The following ABTB3 variants were observed in gnomAD, a reference collection of about 807,000 sequenced individuals.
ABTB3 encodes the protein ankyrin repeat- and BTB/POZ domain-containing protein 3.
chr12:107,520,713 A>G, the ABTB3 span: 1 of 1,564,648 alleles, frequency 6.4e-7, no homozygotes, highest in Non-Finnish European at 8.7e-7. Flanking sequence ...CAATGTCCTC[A>G]TGCCAACCCC....
At chr12:107,351,940 A>AT in the ABTB3 span, among the ~76,000 whole-genome samples, 5 of 152,150 alleles carry the variant, frequency 3.3e-5, no homozygotes, top group African/African-American at 1.2e-4. Context: ...TCTTTAACTG[A>AT]TATGAAATCC....
At chr12:107,589,615 A>C in the ABTB3 span, among the ~76,000 whole-genome samples, 1 of 152,390 alleles carries the variant, frequency 6.6e-6, no homozygotes, top group East Asian at 1.9e-4. Flanking sequence ...GGACCTGTGC[A>C]GATGGGAAAC....
At chr12:107,632,223 C>T in the ABTB3 span, among the ~76,000 whole-genome samples, 15 of 152,110 alleles carry the variant, frequency 9.9e-5, no homozygotes, top group African/African-American at 2.7e-4. Context: ...AAACCACCAC[C>T]GCTGTCCGCC....
the ABTB3 span, among the ~76,000 whole-genome samples, chr12:107,505,271 C>G: frequency 6.6e-6 from 1 of 151,946 alleles, no homozygotes. Flanking sequence ...AAAAAAATAG[C>G]CTCGAAATAT....
the ABTB3 span, among the ~76,000 whole-genome samples, chr12:107,497,519 CCCA>C: frequency 4.0e-5 from 6 of 151,580 alleles, no homozygotes; most frequent in Non-Finnish European, 8.8e-5. Context: ...ACCACACCAT[CCCA>C]CCACCATCAT....
the ABTB3 span, chr12:107,581,381 C>A: frequency 1.7e-6 from 2 of 1,198,452 alleles, no homozygotes; most frequent in Non-Finnish European, 2.1e-6. Context: ...CCAATCAGAG[C>A]CCCGCTGGGC....
At chr12:107,601,874 G>C in the ABTB3 span, among the ~76,000 whole-genome samples, 1 of 152,220 alleles carries the variant, frequency 6.6e-6, no homozygotes. Flanking sequence ...TAAGATTAGT[G>C]TTCCCATTTT....
chr12:107,584,100 C>T, the ABTB3 span, among the ~76,000 whole-genome samples: 107 of 152,086 alleles, frequency 7.0e-4, 1 homozygote, highest in Non-Finnish European at 1.5e-3. Context: ...ACTTATTTTT[C>T]AGACTAGTCA....
the ABTB3 span, among the ~76,000 whole-genome samples, chr12:107,494,733 C>G: frequency 6.6e-6 from 1 of 152,182 alleles, no homozygotes; most frequent in Non-Finnish European, 1.5e-5. Flanking sequence ...CCCTCGCCAC[C>G]TCCCTTGGGC....
chr12:107,454,333 G>A, the ABTB3 span, among the ~76,000 whole-genome samples: 1 of 152,198 alleles, frequency 6.6e-6, no homozygotes, highest in Non-Finnish European at 1.5e-5. Flanking sequence ...AATGTAAGGT[G>A]GTGACAGCAA....
the ABTB3 span, among the ~76,000 whole-genome samples, chr12:107,488,545 A>G: frequency 6.6e-6 from 1 of 152,072 alleles, no homozygotes. Flanking sequence ...GTTACATTGC[A>G]TAGAACCTCA....
chr12:107,401,751 G>A, the ABTB3 span, among the ~76,000 whole-genome samples: 412 of 152,240 alleles, frequency 2.7e-3, 2 homozygotes, highest in African/African-American at 9.3e-3. Context: ...CCTGACTGAC[G>A]AAATTCTAGA....
At chr12:107,455,655 C>G in the ABTB3 span, among the ~76,000 whole-genome samples, 1 of 152,166 alleles carries the variant, frequency 6.6e-6, no homozygotes, top group Non-Finnish European at 1.5e-5. Context: ...CAGGGGATAG[C>G]TCTATGGTTC....
At chr12:107,379,122 G>A in the ABTB3 span, among the ~76,000 whole-genome samples, 1,710 of 152,232 alleles carry the variant, frequency 0.011, 21 homozygotes, top group Non-Finnish European at 0.017. Context: ...ATATAATTGG[G>A]ATAATAGTAA....
the ABTB3 span, among the ~76,000 whole-genome samples, chr12:107,526,289 G>A: frequency 9.4e-3 from 1,425 of 152,252 alleles, 10 homozygotes; most frequent in Middle Eastern, 0.024. Flanking sequence ...TCGCCAAACT[G>A]ACACCAGCTG....
the ABTB3 span, among the ~76,000 whole-genome samples, chr12:107,517,350 G>C: frequency 4.4e-3 from 663 of 152,242 alleles, 6 homozygotes; most frequent in Non-Finnish European, 7.5e-3. Flanking sequence ...TGGCAATGCG[G>C]GCTCTTTTTT....
At chr12:107,457,164 A>G in the ABTB3 span, among the ~76,000 whole-genome samples, 2 of 152,204 alleles carry the variant, frequency 1.3e-5, no homozygotes, top group African/African-American at 4.8e-5. Context: ...GCTCGGCCCT[A>G]CAGTAGTCTT....
the ABTB3 span, among the ~76,000 whole-genome samples, chr12:107,601,609 G>A: frequency 6.6e-6 from 1 of 152,184 alleles, no homozygotes; most frequent in African/African-American, 2.4e-5. Context: ...GGGCCATGCA[G>A]AGTGATCAGC....
At chr12:107,532,407 A>ACT in the ABTB3 span, among the ~76,000 whole-genome samples, 81 of 152,358 alleles carry the variant, frequency 5.3e-4, no homozygotes, top group Non-Finnish European at 9.1e-4. Context: ...TAAGCTAGTG[A>ACT]GGAACATGCA....
Sources: allele counts gnomAD v4.1 joint callset (sites outside exome capture counted in the v4.1 genomes callset), GRCh38; gene constraint gnomAD v4.1.1; transcripts MANE v1.5; gene names NCBI Gene and HGNC (gene_info 2026-07-23, HGNC 2026-07-21).